VPS41: variants seen among roughly 807,000 people sequenced by gnomAD.
VPS41 encodes VPS41 subunit of HOPS complex.
In VPS41, 85 loss-of-function variants were observed where a neutral mutation model predicts 130.9. The observed-to-expected ratio is 0.65, with a 90% CI of 0.55 to 0.78. The LOEUF (loss-of-function observed/expected upper bound fraction) is 0.78. Among genes scored for constraint, VPS41 ranks in the 30% least tolerant of loss-of-function variants. The pLI is 0.00. For missense variants in VPS41, 874 were observed against 1,018.7 expected (o/e 0.86, Z 1.93); for synonymous variants, 335 against 332.9 (o/e 1.01, Z -0.07).
At chr7:38,776,136 G>A (rs550834015) in intron 11 of VPS41, among the ~76,000 whole-genome samples, 1 of 152,116 alleles carries the variant, frequency 6.6e-6, no homozygotes, top group Non-Finnish European at 1.5e-5. Flanking sequence ...ATCATCTGCT[G>A]CTTTTTATTA....
At chr7:38,789,935 A>T (rs1242876865) in intron 9 of VPS41, 68 bp from the exon 10 acceptor site, 3 of 1,526,862 alleles carry the variant, frequency 2.0e-6, no homozygotes, top group Non-Finnish European at 2.7e-6. Context: ...TTTATTCAGT[A>T]TATGGTATCT....
chr7:38,809,348 TA>T (rs1784897805), intron 7 of VPS41, among the ~76,000 whole-genome samples: 1 of 147,484 alleles, frequency 6.8e-6, no homozygotes, highest in Admixed American at 6.8e-5. Flanking sequence ...TATATATGTA[TA>T]TTTTATATAT....
At position 38,907,436 on chromosome 7, in the gene VPS41, A is replaced by C. The variant is rs184956373; in HGVS notation, c.21+1718T>G. Among the ~76,000 whole-genome samples the C allele has an allele frequency of 1.1e-4, 17 of 152,352 alleles. 1 individual carries two copies. In the East Asian group the frequency reaches 3.3e-3, roughly 29 times the overall value. ...CCTGTGGGACAACCAGGCTACCGTA[A>C]TGGCTGTGGCTTTTCCTCTGAATAA... On this transcript the variant is annotated intron_variant, in intron 1 of 28. Coordinates refer to ENST00000310301, the MANE Select transcript of VPS41 (RefSeq NM_014396.4).
intron 1 of VPS41, among the ~76,000 whole-genome samples, chr7:38,905,555 A>G (rs1332000683): frequency 2.0e-5 from 3 of 152,190 alleles, no homozygotes; most frequent in African/African-American, 7.2e-5. Flanking sequence ...GCTGTTTTAT[A>G]CCACAATAAC....
chr7:38,903,923 G>A (rs886724740), intron 1 of VPS41, among the ~76,000 whole-genome samples: 4 of 152,058 alleles, frequency 2.6e-5, no homozygotes, highest in South Asian at 2.1e-4. Flanking sequence ...GTGCCCCAGC[G>A]TGGAAAAGAG....
chr7:38,814,194 A>T (rs2116081686), intron 7 of VPS41, among the ~76,000 whole-genome samples: 1 of 152,338 alleles, frequency 6.6e-6, no homozygotes, highest in South Asian at 2.1e-4. Flanking sequence ...ATGATATCAA[A>T]TGCTAAGTAA....
intron 7 of VPS41, among the ~76,000 whole-genome samples, chr7:38,808,144 C>T (rs190219612): frequency 6.5e-4 from 99 of 152,266 alleles, no homozygotes; most frequent in Non-Finnish European, 1.2e-3. Context: ...CTCTCCCACC[C>T]TGACCGCTGT....
At chr7:38,799,351 C>T (rs949256589) in intron 7 of VPS41, among the ~76,000 whole-genome samples, 1 of 151,734 alleles carries the variant, frequency 6.6e-6, no homozygotes, top group African/African-American at 2.4e-5. Context: ...AAAAATGGTA[C>T]AAAAAACATT....
chr7:38,753,668 T>A (rs903124221), intron 21 of VPS41, among the ~76,000 whole-genome samples: 2 of 152,182 alleles, frequency 1.3e-5, no homozygotes, highest in African/African-American at 2.4e-5. Context: ...CTACTGCCCA[T>A]AATCCTGTCT....
intron 4 of VPS41, among the ~76,000 whole-genome samples, chr7:38,830,800 C>T (rs557594976): frequency 1.3e-5 from 2 of 152,250 alleles, no homozygotes; most frequent in South Asian, 4.1e-4. Flanking sequence ...CCCTGAAATG[C>T]AGTCCATGAA....
chr7:38,891,950 A>G (rs910856102), intron 2 of VPS41, among the ~76,000 whole-genome samples: 5 of 152,074 alleles, frequency 3.3e-5, no homozygotes, highest in Non-Finnish European at 7.4e-5. Flanking sequence ...AAATATTTTT[A>G]TAATTGTTTT....
chr7:38,895,344 T>TA (rs531694346), intron 2 of VPS41, among the ~76,000 whole-genome samples: 66 of 151,760 alleles, frequency 4.3e-4, no homozygotes, highest in South Asian at 3.1e-3. Flanking sequence ...AATAAAAAAA[T>TA]AAAAAAAACA....
At chr7:38,796,335 T>C (rs961226339) in intron 8 of VPS41, 4 of 386,184 alleles carry the variant, frequency 1.0e-5, no homozygotes, top group Admixed American at 6.7e-5. Context: ...GACAGGTCTA[T>C]ACTTCTGTCT....
intron 4 of VPS41, among the ~76,000 whole-genome samples, chr7:38,835,666 A>G (rs1785476326): frequency 6.6e-6 from 1 of 151,916 alleles, no homozygotes; most frequent in Non-Finnish European, 1.5e-5. Flanking sequence ...CAAAATATGT[A>G]TTTTAAAATC....
intron 2 of VPS41, among the ~76,000 whole-genome samples, chr7:38,877,621 C>A (rs1786519407): frequency 1.3e-5 from 2 of 152,106 alleles, no homozygotes; most frequent in African/African-American, 4.8e-5. Flanking sequence ...ATTGCACATT[C>A]CATAAGCCAA....
intron 2 of VPS41, among the ~76,000 whole-genome samples, chr7:38,873,204 C>T (rs1441162574): frequency 6.6e-6 from 1 of 151,990 alleles, no homozygotes; most frequent in African/African-American, 2.4e-5. Flanking sequence ...CAATATTAGG[C>T]ATTTGATGTA....
intron 19 of VPS41, 99 bp downstream of exon 19, chr7:38,756,739 G>C: frequency 2.2e-6 from 2 of 899,436 alleles, no homozygotes; most frequent in Non-Finnish European, 3.2e-6. Context: ...GCCAAGTTAT[G>C]TGATTCATTC....
intron 14 of VPS41, among the ~76,000 whole-genome samples, chr7:38,770,559 G>A (rs574356863): frequency 1.3e-5 from 2 of 152,152 alleles, no homozygotes; most frequent in Admixed American, 6.5e-5. Context: ...GGAAAATGTA[G>A]GCAGAAAGAA....
At chr7:38,774,436 T>C (rs892937767) in intron 11 of VPS41, among the ~76,000 whole-genome samples, 192 bp from the exon 12 acceptor site, 1 of 151,902 alleles carries the variant, frequency 6.6e-6, no homozygotes, top group Non-Finnish European at 1.5e-5. Flanking sequence ...CTCAGGAAAC[T>C]TACAATCAGA....
Sources: gnomAD v4.1 joint callset for allele counts (sites outside exome capture counted in the v4.1 genomes callset) on GRCh38, gnomAD v4.1.1 for gene constraint, MANE v1.5 for transcripts, NCBI Gene and HGNC (gene_info 2026-07-23, HGNC 2026-07-21) for gene names.